The following POSTN variants were observed in gnomAD, a reference collection of about 807,000 sequenced individuals.
POSTN encodes the protein periostin.
POSTN carries 71 observed loss-of-function variants against 104.5 expected under a neutral mutation model. The ratio of observed to expected loss-of-function variants is 0.68; its 90% confidence interval spans 0.56 to 0.83. The LOEUF (loss-of-function observed/expected upper bound fraction) is 0.83, where lower values mean the gene tolerates loss of function less well. Among genes scored for constraint, POSTN ranks in the 40% least tolerant of loss-of-function variants. The pLI is 0.00. For synonymous variants in POSTN, 355 were observed against 340.7 expected (o/e 1.04, Z -0.46); for missense variants, 949 against 1,006.8 (o/e 0.94, Z 0.78).
chr13:37,580,881 T>C (rs1593339185), intron 10 of POSTN, among the ~76,000 whole-genome samples, 184 bp from the exon 11 acceptor site: 1 of 152,320 alleles, frequency 6.6e-6, no homozygotes, highest in Non-Finnish European at 1.5e-5. Context: ...ACACTTCTTA[T>C]CTAGCCGGGT....
intron 10 of POSTN, 29 bp downstream of exon 10, chr13:37,582,337 G>T (rs756663288): frequency 8.3e-5 from 131 of 1,579,836 alleles, no homozygotes; most frequent in Non-Finnish European, 1.1e-4. Flanking sequence ...TCATTTGACA[G>T]ACTTTTTATT....
intron 7 of POSTN, 31 bp from the exon 8 acceptor site, chr13:37,584,959 C>A: frequency 6.2e-7 from 1 of 1,609,796 alleles, no homozygotes; most frequent in South Asian, 1.1e-5. Context: ...AGGTAGCTTT[C>A]AGATCAAGGG....
intron 11 of POSTN, 133 bp from the exon 12 acceptor site, chr13:37,580,124 C>A (rs538441034): frequency 3.6e-6 from 3 of 827,910 alleles, no homozygotes; most frequent in East Asian, 2.7e-5. Context: ...TCATATGTTT[C>A]GAATACAATT....
At chr13:37,585,563 G>A (rs754920664) in intron 7 of POSTN, among the ~76,000 whole-genome samples, 4 of 152,156 alleles carry the variant, frequency 2.6e-5, no homozygotes, top group Non-Finnish European at 4.4e-5. Flanking sequence ...ATTCATTGAA[G>A]GACCTCTGGA....
At chr13:37,565,760 A>C (rs2060992826) in intron 21 of POSTN, among the ~76,000 whole-genome samples, 2 of 152,140 alleles carry the variant, frequency 1.3e-5, no homozygotes, top group Non-Finnish European at 2.9e-5. Flanking sequence ...TCTGTGTAAA[A>C]CAACCAAGTC....
chr13:37,566,251 G>C (rs780562001), intron 21 of POSTN, among the ~76,000 whole-genome samples: 1 of 152,176 alleles, frequency 6.6e-6, no homozygotes, highest in Non-Finnish European at 1.5e-5. Context: ...CCAATTACTT[G>C]AATATATTGG....
intron 19 of POSTN, 87 bp from the exon 20 acceptor site, chr13:37,569,908 T>C: frequency 1.2e-6 from 1 of 866,192 alleles, no homozygotes; most frequent in Non-Finnish European, 1.9e-6. Flanking sequence ...TTTACACTTG[T>C]GGGCCATGTA....
intron 2 of POSTN, 31 bp downstream of exon 2, chr13:37,597,153 T>A (rs1160579058): frequency 7.1e-7 from 1 of 1,417,738 alleles, no homozygotes; most frequent in Non-Finnish European, 9.6e-7. Context: ...TTTTTGGAAC[T>A]GACATATTAT....
rs766008659 is a variant in POSTN at position 37,579,889 on chromosome 13, C to T, written c.1632G>A (p.Met544Ile). The change falls in exon 12 of 23, where the codon ATG (methionine) becomes ATA (isoleucine). Residue 544 changes from methionine (M) to isoleucine (I), a missense_variant. By Grantham distance (10) the Met-to-Ile change is conservative. Coordinates refer to ENST00000379747, the MANE Select transcript of POSTN (RefSeq NM_006475.3). ...FVPTNDAFKG[M>I]TSEEKEILIR... is the part of the protein sequence containing the mutation. ...TCAGAATTTCTTTTTCTTCACTAGT[C>T]ATTCCCTTAAAAGCATCATTGGTTG... 2 of 1,613,070 alleles carry T rather than the reference C, an allele frequency of 1.2e-6. No individual in the cohort carries two copies. Among genetic ancestry groups the T allele is most frequent in the Admixed American group, 3.3e-5 (2 of 59,792 alleles).
chr13:37,596,219 G>T (rs1566039019), intron 2 of POSTN, among the ~76,000 whole-genome samples: 1 of 152,054 alleles, frequency 6.6e-6, no homozygotes, highest in East Asian at 1.9e-4. Flanking sequence ...GTTCTTCCTG[G>T]GGTCTTTTGA....
intron 21 of POSTN, 86 bp from the exon 22 acceptor site, chr13:37,564,646 AGTCT>A: frequency 4.4e-6 from 3 of 685,638 alleles, no homozygotes; most frequent in African/African-American, 1.8e-5. Context: ...AACAGTGTAA[AGTCT>A]TAAATAAGTA....
chr13:37,574,631 A>T lies in POSTN; in HGVS notation c.2030T>A (p.Val677Asp), dbSNP rs780042758. ...AATCACTTTAATTTTTGGTTCCACA[A>T]CTTTGGTTATAATTTTAGTTGCTGA... ...TVYTTKIITK[V>D]VEPKIKVIEG... Residue 677 changes from valine to aspartate, a missense_variant, in exon 17 of 23, where the codon GTT becomes GAT. By Grantham distance (152) the Val-to-Asp change is radical. Coordinates refer to ENST00000379747, the MANE Select transcript of POSTN (RefSeq NM_006475.3). 1.0e-5 allele frequency: 16 copies of T among 1,599,510 alleles called. 1 individual carries two copies. In the South Asian group the frequency reaches 1.4e-4, roughly 14 times the overall value.
chr13:37,567,236 A>C (rs1950136361), intron 21 of POSTN, among the ~76,000 whole-genome samples: 2 of 64,622 alleles, frequency 3.1e-5, no homozygotes, highest in Non-Finnish European at 6.0e-5. Context: ...ACTCCGTCTC[A>C]AAAAAAAAAA....
Position 37,590,538 on chromosome 13 carries a change from A to G in POSTN, c.284-9T>C, listed in dbSNP as rs1950898716. On this transcript the variant is annotated splice_polypyrimidine_tract_variant and intron_variant, in intron 3 of 22. Coordinates refer to ENST00000379747, the MANE Select transcript of POSTN (RefSeq NM_006475.3). Reference sequence around the variant, plus strand: ...ATGGTCAATGGGCAAAACTGAAATAATCAAGAAATGAATCAGTACTGGGGA... The same window carrying G: ...ATGGTCAATGGGCAAAACTGAAATAGTCAAGAAATGAATCAGTACTGGGGA... The G allele has an allele frequency of 6.2e-7, 1 of 1,605,894 alleles. No individual in the cohort carries two copies.
intron 1 of POSTN, among the ~76,000 whole-genome samples, 168 bp downstream of exon 1, chr13:37,598,440 G>T (rs928188552): frequency 6.6e-6 from 1 of 152,024 alleles, no homozygotes; most frequent in African/African-American, 2.4e-5. Context: ...AAGCTTAAAA[G>T]TGCATAGATA....
Position 37,570,662 on chromosome 13 carries a change from A to C in POSTN, c.2187T>G (p.Ile729Met), listed in dbSNP as rs912136718. ...TITEVIHGEP[I>M]IKKYTKIIDG... ...CAATGATTTTGGTGTATTTTTTAAT[A>C]ATTGGCTCTAAAAGCAGGGGAATAC... Residue 729 changes from isoleucine (I) to methionine (M), a missense_variant, in exon 19 of 23, where the codon ATT becomes ATG. By Grantham distance (10) the Ile-to-Met change is conservative. Transcript: ENST00000379747. 1 of 1,599,818 alleles carries C rather than the reference A, an allele frequency of 6.3e-7. No individual in the cohort carries two copies. Among genetic ancestry groups the C allele is most frequent in the African/African-American group, 1.3e-5 (1 of 74,520 alleles).
rs1366996390 is a variant in POSTN, at chr13:37,586,792, G to A, written c.743C>T (p.Ser248Leu). The change falls in exon 6 of 23, where the codon TCA becomes TTA. Residue 248 changes from serine to leucine, a missense_variant. By Grantham distance (145) the Ser-to-Leu change is moderately radical. Transcript: ENST00000379747. ...TGCTCTTGGACTTACTCTAAAAGAT[G>A]AAAGGTCATCTTCTGCTTCAATGAA... is the stretch of plus-strand genomic sequence containing the variant. ...QDFIEAEDDL[S>L]SFRAAAITSD... 1 of 1,612,658 alleles carries A rather than the reference G, an allele frequency of 6.2e-7. No homozygotes were observed. Among genetic ancestry groups the A allele is most frequent in the South Asian group, 1.1e-5 (1 of 90,942 alleles).
chr13:37,595,173 A>G (rs1222547443), intron 2 of POSTN, among the ~76,000 whole-genome samples: 2 of 152,044 alleles, frequency 1.3e-5, no homozygotes, highest in African/African-American at 4.8e-5. Context: ...TCTAGGAAGG[A>G]TGTAATAAGC....
intron 6 of POSTN, 52 bp downstream of exon 6, chr13:37,586,730 A>G: frequency 2.0e-6 from 3 of 1,511,730 alleles, no homozygotes; most frequent in African/African-American, 1.4e-5. Context: ...AGATTTTGAC[A>G]GGAGAAGAAG....
Sources: allele counts gnomAD v4.1 joint callset (sites outside exome capture counted in the v4.1 genomes callset), GRCh38; gene constraint gnomAD v4.1.1; transcripts MANE v1.5; gene names NCBI Gene and HGNC (gene_info 2026-07-23, HGNC 2026-07-21).